The following NLRX1 variants were observed in gnomAD, a reference collection of about 807,000 sequenced individuals.
The protein encoded by NLRX1 is NLR family member X1.
Under a neutral mutation model 74.2 loss-of-function variants are expected in NLRX1, and 67 were observed. The ratio of observed to expected loss-of-function variants is 0.90; its 90% confidence interval spans 0.74 to 1.11. NLRX1 has a LOEUF of 1.11. Among genes scored for constraint, NLRX1 ranks in the 50% least tolerant of loss-of-function variants. The probability of loss-of-function intolerance (pLI) is 0.00; values close to 1 mark genes in which losing one functional copy is unlikely to be tolerated. For missense variants in NLRX1, 1,191 were observed against 1,305.4 expected, an observed-to-expected ratio of 0.91 and a Z score of 1.35; for synonymous variants, 506 against 559.1, an observed-to-expected ratio of 0.91 and a Z score of 1.34.
rs748204609 is a variant in NLRX1 at position 119,173,516 on chromosome 11, G to A, written c.267G>A (p.Trp89Ter). The A allele has an allele frequency of 4.3e-5, 70 of 1,613,918 alleles. No homozygotes were observed. The highest frequency in any genetic ancestry group is 5.8e-5 in the Non-Finnish European group (69 of 1,180,042). ...GGCACCGCCGGAACCTGGCTGAGTG[G>A]TTCAGCCGGCTGCCCAGGGAGGAGC... ...IQRHRRNLAE[W>*]FSRLPREERQ... Residue 89 changes from tryptophan (W) to a stop codon, truncating the protein, a stop_gained, in exon 5 of 10, where the codon TGG (tryptophan) becomes TGA (stop). Coordinates refer to ENST00000409109, the MANE Select transcript of NLRX1 (RefSeq NM_001282144.2). LOFTEE classifies it high-confidence loss of function. This position sits in a 1 kb window ranked among gnomAD's most constrained non-coding sequence, Gnocchi z 4.0.
intron 1 of NLRX1, among the ~76,000 whole-genome samples, chr11:119,170,165 AAT>A (rs1389298158): frequency 1.3e-5 from 2 of 152,108 alleles, no homozygotes; most frequent in Non-Finnish European, 2.9e-5. Context: ...AACTCAGAAA[AAT>A]AGCTTGTGGG....
rs769223762 is a variant in NLRX1 at position 119,175,245 on chromosome 11, G to T, written c.1642G>T (p.Ala548Ser). 6.2e-7 allele frequency: 1 copy of T among 1,614,002 alleles called. No homozygotes were observed. Among genetic ancestry groups the T allele is most frequent in the Admixed American group, 1.7e-5 (1 of 60,020 alleles). ...CATGGCCAAGCTGCTGCCTCTGCGG[G>T]CTCTGCCTCTGCTCTTCAACCTGAT... ...GIMAKLLPLR[A>S]LPLLFNLIKV... Residue 548 changes from alanine to serine, a missense_variant, in exon 6 of 10, where the codon GCT (alanine) becomes TCT (serine). Coordinates refer to ENST00000409109, the MANE Select transcript of NLRX1 (RefSeq NM_001282144.2).
In NLRX1 at chr11:119,173,958, C is replaced by T; in HGVS notation, c.709C>T (p.Leu237Phe). ...LPLMAAAGSHLLFVLHGLEHL... is the reference protein window; with the variant it reads ...LPLMAAAGSHFLFVLHGLEHL... ...CCTGATGGCTGCTGCTGGGTCCCAC[C>T]TCCTCTTTGTGCTCCATGGCTTAGA... Residue 237 changes from leucine to phenylalanine, a missense_variant, in exon 5 of 10, where the codon CTC becomes TTC. By Grantham distance (22) the Leu-to-Phe change is conservative (BLOSUM62 0). Coordinates refer to ENST00000409109, the MANE Select transcript of NLRX1 (RefSeq NM_001282144.2). This position sits in a 1 kb window ranked among gnomAD's most constrained non-coding sequence, Gnocchi z 4.0. 6.2e-7 allele frequency: 1 copy of T among 1,614,096 alleles called. No homozygotes were observed. Among genetic ancestry groups the T allele is most frequent in the Non-Finnish European group, 8.5e-7 (1 of 1,180,034 alleles).
intron 6 of NLRX1, among the ~76,000 whole-genome samples, chr11:119,177,366 G>A (rs1435341712): frequency 6.6e-6 from 1 of 151,824 alleles, no homozygotes; most frequent in Admixed American, 6.6e-5. Flanking sequence ...ACAGGAGTGA[G>A]CCACCACGCC....
At chr11:119,181,804 G>A (rs1309697706) in intron 8 of NLRX1, among the ~76,000 whole-genome samples, 1 of 152,108 alleles carries the variant, frequency 6.6e-6, no homozygotes, top group African/African-American at 2.4e-5. Flanking sequence ...AAACGGAAAT[G>A]GTGAAAAGGA....
Position 119,179,685 on chromosome 11 carries a change from T to G in NLRX1, c.1672-8T>G. On this transcript the variant is annotated splice_region_variant and splice_polypyrimidine_tract_variant and intron_variant, in intron 6 of 9. Coordinates refer to ENST00000409109, the MANE Select transcript of NLRX1 (RefSeq NM_001282144.2). ...GGCCACAGTGACTCTCCCCTGCTTC[T>G]TTTTCAGGTGGTTCCACGAGTGTTT... 1.3e-6 allele frequency: 2 copies of G among 1,509,736 alleles called. No homozygotes were observed. The allele number at this position is 1,509,736 out of a possible 1,614,324, so 93.5% of individuals were successfully genotyped here. A position where few individuals can be genotyped will look rare whatever the true frequency, so the allele number is the denominator to read the frequency against.
In NLRX1 at chr11:119,175,255, T is replaced by A; in HGVS notation, c.1652T>A (p.Leu551Gln). 1 of 1,613,878 alleles carries A rather than the reference T, an allele frequency of 6.2e-7. No individual in the cohort carries two copies. Among genetic ancestry groups the A allele is most frequent in the Non-Finnish European group, 8.5e-7 (1 of 1,179,926 alleles). Residue 551 changes from leucine (L) to glutamine (Q), a missense_variant, in exon 6 of 10, where the codon CTG becomes CAG. Coordinates refer to ENST00000409109, the MANE Select transcript of NLRX1 (RefSeq NM_001282144.2). Reference protein sequence around the residue: ...AKLLPLRALPLLFNLIKVVPR... With the variant: ...AKLLPLRALPQLFNLIKVVPR... ...CTGCTGCCTCTGCGGGCTCTGCCTC[T>A]GCTCTTCAACCTGATCAAGGTAACA...
At chr11:119,176,785 C>T (rs1948713950) in intron 6 of NLRX1, among the ~76,000 whole-genome samples, 1 of 152,106 alleles carries the variant, frequency 6.6e-6, no homozygotes, top group African/African-American at 2.4e-5. Context: ...TCACTTTGGC[C>T]TCCCAAAGTG....
intron 3 of NLRX1, 100 bp downstream of exon 3, chr11:119,172,525 GGGA>G (rs1948575654): frequency 1.1e-6 from 1 of 921,832 alleles, no homozygotes; most frequent in African/African-American, 1.7e-5. Flanking sequence ...GGGGACCTTG[GGGA>G]GGGGCTTGGT....
chr11:119,172,472 G>C (rs778429968), intron 3 of NLRX1, 47 bp downstream of exon 3: 1 of 1,396,644 alleles, frequency 7.2e-7, no homozygotes. Flanking sequence ...GCACAACAGA[G>C]CAGACTGGGA....
rs576222639 is a variant in NLRX1 at position 119,182,084 on chromosome 11, G to C, written c.2355-10G>C. The C allele has an allele frequency of 6.2e-7, 1 of 1,612,714 alleles. No individual in the cohort carries two copies. The highest frequency in any genetic ancestry group is 2.2e-5 in the East Asian group (1 of 44,818). On this transcript the variant is annotated splice_polypyrimidine_tract_variant and intron_variant, in intron 8 of 9. Coordinates refer to ENST00000409109, the MANE Select transcript of NLRX1 (RefSeq NM_001282144.2). The stretch of plus-strand genomic sequence containing the variant: ...GAGCCCTCATAACCTTGGGTTGCAC[G>C]TGGCTGTAGGCTGTCCAACAACCCG...
chr11:119,174,739 C>G lies in NLRX1; in HGVS notation c.1136C>G (p.Ala379Gly), dbSNP rs1350519284. The G allele has an allele frequency of 6.2e-7, 1 of 1,613,802 alleles. No homozygotes were observed. Residue 379 changes from alanine (A) to glycine (G), a missense_variant, in exon 6 of 10, where the codon GCC (alanine) becomes GGC (glycine). Transcript: ENST00000409109. Reference sequence around the variant, plus strand: ...CCGTCCTATTGCTGGCTCGTTTGTGCCACCTTGCACTTCCTGCATGCCCCC... The same window carrying G: ...CCGTCCTATTGCTGGCTCGTTTGTGGCACCTTGCACTTCCTGCATGCCCCC... ...FLPSYCWLVC[A>G]TLHFLHAPTP...
At position 119,173,280 on chromosome 11, in the gene NLRX1, G is replaced by A; in HGVS notation, c.230-199G>A. The A allele has an allele frequency of 1.4e-6, 1 of 689,800 alleles. No individual in the cohort carries two copies. 42.7% of individuals were successfully genotyped at this position (689,800 alleles called of 1,614,324 possible). A position where few individuals can be genotyped will look rare whatever the true frequency, so the allele number is the denominator to read the frequency against. ...TCACTGTGAAACCAGTTTGTCCAGT[G>A]GCTTCCCACTTTCTGACATAGGGGT... is the stretch of plus-strand genomic sequence containing the variant. On this transcript the variant is annotated intron_variant, in intron 4 of 9. Coordinates refer to ENST00000409109, the MANE Select transcript of NLRX1 (RefSeq NM_001282144.2). This position sits in a 1 kb window ranked among gnomAD's most constrained non-coding sequence, Gnocchi z 4.0.
At chr11:119,178,829 C>G (rs746942068) in intron 6 of NLRX1, among the ~76,000 whole-genome samples, 2 of 151,846 alleles carry the variant, frequency 1.3e-5, no homozygotes, top group African/African-American at 4.8e-5. Context: ...TGCCACCATG[C>G]CTGGCTAATT....
Position 119,172,437 on chromosome 11 carries a change from G to GTGTC in NLRX1, c.140+13_140+16dup, listed in dbSNP as rs769088403. 3 of 1,596,818 alleles carry GTGTC rather than the reference G, an allele frequency of 1.9e-6. No individual in the cohort carries two copies. The highest frequency in any genetic ancestry group is 2.6e-6 in the Non-Finnish European group (3 of 1,164,306). Reference sequence around the variant, plus strand: ...TTTGGGCCCCCTAGGTGAGGCCTGGGTGTCATACCTTAGGACTAGTCTGGG... The same window carrying GTGTC: ...TTTGGGCCCCCTAGGTGAGGCCTGGGTGTCTGTCATACCTTAGGACTAGTCTGGG... On this transcript the variant is annotated intron_variant, in intron 3 of 9. Transcript: ENST00000409109.
intron 6 of NLRX1, among the ~76,000 whole-genome samples, chr11:119,178,382 T>C (rs745715092): frequency 3.3e-5 from 5 of 152,208 alleles, no homozygotes; most frequent in Non-Finnish European, 7.3e-5. Flanking sequence ...TGTTAGAATC[T>C]GAGGAAATGT....
intron 1 of NLRX1, 113 bp downstream of exon 1, chr11:119,169,415 C>G (rs535560612): frequency 2.0e-5 from 3 of 152,498 alleles, no homozygotes; most frequent in South Asian, 2.1e-4. Flanking sequence ...GCCCTAGATC[C>G]GAGGTTAAAC....
chr11:119,178,918 C>T (rs1948759667), intron 6 of NLRX1, among the ~76,000 whole-genome samples: 1 of 152,092 alleles, frequency 6.6e-6, no homozygotes, highest in African/African-American at 2.4e-5. Context: ...CTCCTGGGCT[C>T]AAGTGATCCT....
At position 119,182,257 on chromosome 11, in the gene NLRX1, C is replaced by G; in HGVS notation, c.2518C>G (p.Leu840Val). The change falls in exon 9 of 10, where the codon CTG (leucine) becomes GTG (valine). Residue 840 changes from leucine to valine, a missense_variant. Physicochemically the swap from Leu to Val is conservative, Grantham distance 32 (BLOSUM62 1). Coordinates refer to ENST00000409109, the MANE Select transcript of NLRX1 (RefSeq NM_001282144.2). ...GGACCGCAACCGGCAGCTGCAGGAG[C>G]TGAACGTGGCGTACAACGGTGCTGG... Reference protein sequence around the residue: ...QLDRNRQLQELNVAYNGAGDT... With the variant: ...QLDRNRQLQEVNVAYNGAGDT... 6.2e-7 allele frequency: 1 copy of G among 1,613,820 alleles called. No individual in the cohort carries two copies. Among genetic ancestry groups the G allele is most frequent in the Non-Finnish European group, 8.5e-7 (1 of 1,180,032 alleles).
Sources: gnomAD v4.1 joint callset for allele counts (sites outside exome capture counted in the v4.1 genomes callset) on GRCh38, gnomAD v4.1.1 for gene constraint, Gnocchi (gnomAD v3.1) non-coding constraint, MANE v1.5 for transcripts, NCBI Gene and HGNC (gene_info 2026-07-23, HGNC 2026-07-21) for gene names.